The following RAPGEF2 variants were observed in gnomAD, a reference collection of about 807,000 sequenced individuals.
The protein encoded by RAPGEF2 is Rap guanine nucleotide exchange factor 2, also known as PDZ domain containing guanine nucleotide exchange factor (GEF) 1.
RAPGEF2 carries 54 observed loss-of-function variants against 186.7 expected under a neutral mutation model. The observed-to-expected ratio is 0.29, with a 90% CI of 0.23 to 0.36. The LOEUF (loss-of-function observed/expected upper bound fraction) is 0.36, where lower values mean the gene tolerates loss of function less well. Among genes scored for constraint, RAPGEF2 ranks in the 10% least tolerant of loss-of-function variants. RAPGEF2 has a pLI of 1.00. For synonymous variants in RAPGEF2, 712 were observed against 705.9 expected (o/e 1.01, Z -0.14); for missense variants, 1,532 against 2,045.0 (o/e 0.75, Z 4.84).
chr4:159,148,585 C>G (rs1743191430), intron 1 of RAPGEF2, among the ~76,000 whole-genome samples: 1 of 152,110 alleles, frequency 6.6e-6, no homozygotes, highest in African/African-American at 2.4e-5. Flanking sequence ...TTAACTACTC[C>G]TATTGAATGC....
At chr4:159,319,413 T>C (rs1054035965) in intron 9 of RAPGEF2, among the ~76,000 whole-genome samples, 1 of 152,090 alleles carries the variant, frequency 6.6e-6, no homozygotes, top group Non-Finnish European at 1.5e-5. Flanking sequence ...ATCCCAAAAC[T>C]ATCCCCCCGC....
intron 29 of RAPGEF2, among the ~76,000 whole-genome samples, chr4:159,357,744 C>T (rs565604019): frequency 2.0e-5 from 3 of 152,198 alleles, no homozygotes; most frequent in Admixed American, 2.0e-4. Context: ...CTGTCACTTG[C>T]AGATAGCCAC....
At chr4:159,161,352 T>C (rs1291443326) in intron 1 of RAPGEF2, among the ~76,000 whole-genome samples, 1 of 152,242 alleles carries the variant, frequency 6.6e-6, no homozygotes, top group Non-Finnish European at 1.5e-5. Context: ...AAAATTTGTA[T>C]CATAAACAAT....
chr4:159,325,401 A>T (rs1205824883), intron 11 of RAPGEF2, among the ~76,000 whole-genome samples: 1 of 152,156 alleles, frequency 6.6e-6, no homozygotes, highest in East Asian at 1.9e-4. Flanking sequence ...ATTTAAAGGG[A>T]ATTATATATG....
At position 159,213,942 on chromosome 4, in the gene RAPGEF2, T is replaced by C. The variant is rs530387520; in HGVS notation, c.281+3359T>C. On this transcript the variant is annotated intron_variant, in intron 4 of 29. Coordinates refer to ENST00000691494, the MANE Select transcript of RAPGEF2 (RefSeq NM_001394067.2). ...ATTTATACAAGTGCCTGTAATGCCA[T>C]GTATTTTATGTTGTTACATATATTG... Among the ~76,000 whole-genome samples the C allele has an allele frequency of 6.6e-5, 10 of 152,372 alleles. No homozygotes were observed. In the South Asian group the frequency reaches 1.7e-3, roughly 25 times the overall value.
At chr4:159,212,939 AAAGAGTT>A (rs1367504880) in intron 4 of RAPGEF2, among the ~76,000 whole-genome samples, 1 of 152,194 alleles carries the variant, frequency 6.6e-6, no homozygotes, top group Non-Finnish European at 1.5e-5. Flanking sequence ...ATTCTAGAAA[AAAGAGTT>A]CTTGCAGTTC....
chr4:159,339,105 T>A lies in RAPGEF2; in HGVS notation c.2294-9T>A. ...TTCTACTTATGTGTGTGATTTTTCT[T>A]TCCCCCAGACTTGCCAGATCAAGTG... On this transcript the variant is annotated splice_polypyrimidine_tract_variant and intron_variant, in intron 18 of 29. Coordinates refer to ENST00000691494, the MANE Select transcript of RAPGEF2 (RefSeq NM_001394067.2). 2 of 1,608,802 alleles carry A rather than the reference T, an allele frequency of 1.2e-6. No individual in the cohort carries two copies. Among genetic ancestry groups the A allele is most frequent in the Non-Finnish European group, 1.7e-6 (2 of 1,176,246 alleles).
intron 1 of RAPGEF2, among the ~76,000 whole-genome samples, chr4:159,113,238 A>T (rs909659280): frequency 6.6e-6 from 1 of 152,240 alleles, no homozygotes; most frequent in African/African-American, 2.4e-5. Context: ...AGGATGACTG[A>T]TGAAATTTGA....
At chr4:159,329,488 T>C (rs1766370153) in intron 11 of RAPGEF2, 1 of 153,596 alleles carries the variant, frequency 6.5e-6, no homozygotes, top group Non-Finnish European at 1.4e-5. Flanking sequence ...ATTCTTTTAA[T>C]TCACTAGATG....
chr4:159,311,265 A>G (rs1013735778), intron 8 of RAPGEF2, among the ~76,000 whole-genome samples: 9 of 152,160 alleles, frequency 5.9e-5, no homozygotes, highest in Non-Finnish European at 1.5e-5. Flanking sequence ...CTATTTTTAT[A>G]ATTGGTGTAT....
At chr4:159,310,188 A>C (rs1763798567) in intron 8 of RAPGEF2, among the ~76,000 whole-genome samples, 1 of 152,174 alleles carries the variant, frequency 6.6e-6, no homozygotes, top group African/African-American at 2.4e-5. Context: ...GTAATTGAGC[A>C]TATAAGGACT....
At chr4:159,131,519 A>ATTGTTTTTTTTTTTTT in intron 1 of RAPGEF2, among the ~76,000 whole-genome samples, 20 of 37,204 alleles carry the variant, frequency 5.4e-4, no homozygotes, top group Admixed American at 1.0e-3. Context: ...ATTAATTGCT[A>ATTGTTTTTTTTTTTTT]TTTTTTTTTT....
intron 9 of RAPGEF2, 141 bp downstream of exon 9, chr4:159,314,909 G>T: frequency 1.3e-6 from 1 of 789,248 alleles, no homozygotes; most frequent in South Asian, 3.1e-5. Context: ...AGTAGTATTT[G>T]TTGGACAAAA....
intron 7 of RAPGEF2, 130 bp from the exon 8 acceptor site, chr4:159,304,212 G>A (rs906893186): frequency 1.2e-6 from 1 of 837,002 alleles, no homozygotes; most frequent in Non-Finnish European, 1.7e-6. Flanking sequence ...TTAGTAATTT[G>A]TGAATGTGGA....
chr4:159,250,504 TACTC>T (rs1755186104), intron 7 of RAPGEF2, among the ~76,000 whole-genome samples: 2 of 151,940 alleles, frequency 1.3e-5, no homozygotes, highest in Admixed American at 6.6e-5. Context: ...AAAAAGAAAA[TACTC>T]AGGCTGTCTT....
intron 24 of RAPGEF2, 142 bp downstream of exon 24, chr4:159,345,471 T>C (rs1342739715): frequency 2.8e-6 from 2 of 722,542 alleles, no homozygotes; most frequent in African/African-American, 3.6e-5. Context: ...TTTCCTTGAA[T>C]GCTAATATTT....
intron 26 of RAPGEF2, chr4:159,351,257 C>T (rs1731135370): frequency 7.1e-7 from 1 of 1,417,788 alleles, no homozygotes; most frequent in Non-Finnish European, 9.4e-7. Flanking sequence ...GGGAGAATTC[C>T]TCCAAATGTC....
At chr4:159,112,476 CTG>C (rs1490330443) in intron 1 of RAPGEF2, among the ~76,000 whole-genome samples, 1 of 152,138 alleles carries the variant, frequency 6.6e-6, no homozygotes, top group South Asian at 2.1e-4. Context: ...AGTCTAATGA[CTG>C]TATATACAAA....
At chr4:159,204,212 A>G (rs1749737314) in intron 3 of RAPGEF2, among the ~76,000 whole-genome samples, 1 of 152,238 alleles carries the variant, frequency 6.6e-6, no homozygotes, top group African/African-American at 2.4e-5. Flanking sequence ...GAAAAACATA[A>G]AACAATGAAA....
Sources: gnomAD v4.1 joint callset for allele counts (sites outside exome capture counted in the v4.1 genomes callset) on GRCh38, gnomAD v4.1.1 for gene constraint, MANE v1.5 for transcripts, NCBI Gene and HGNC (gene_info 2026-07-23, HGNC 2026-07-21) for gene names.